Variants in RGL3 observed in about 807,000 individuals in gnomAD.
RGL3 encodes the protein ral guanine nucleotide dissociation stimulator like 3.
Under a neutral mutation model 90.6 loss-of-function variants are expected in RGL3, and 85 were observed. That is an observed-to-expected ratio of 0.94 (90% CI 0.79 to 1.12). The LOEUF is 1.12. RGL3 is among the 50% of genes most tolerant of loss of function. RGL3 has a pLI of 0.00. For missense variants in RGL3, 1,034 were observed against 939.2 expected, an observed-to-expected ratio of 1.10 and a Z score of -1.32; for synonymous variants, 408 against 385.5, an observed-to-expected ratio of 1.06 and a Z score of -0.68.
rs1172368549 is a variant in RGL3 at position 11,411,208 on chromosome 19, C to CCA, written c.638-4345_638-4344insTG. On this transcript the variant is annotated intron_variant, in intron 5 of 18. Transcript: ENST00000380456. ...TGGACAACAGAGTGAGACTCCATCTCAAAAAAAAAAAAAAAAAAAAAAAGA... is the reference window on the plus strand; with the variant it reads ...TGGACAACAGAGTGAGACTCCATCTCCAAAAAAAAAAAAAAAAAAAAAAAAGA... 1.4e-3 allele frequency: 68 copies of CCA among 46,948 alleles called. 1 individual carries two copies. Among genetic ancestry groups the CCA allele is most frequent in the Admixed American group, 0.012 (54 of 4,518 alleles). The allele number at this position is 46,948 out of a possible 1,614,324, so 2.9% of individuals were successfully genotyped here.
chr19:11,417,927 C>T (rs1410061567), intron 2 of RGL3, among the ~76,000 whole-genome samples: 1 of 152,092 alleles, frequency 6.6e-6, no homozygotes, highest in Non-Finnish European at 1.5e-5. Flanking sequence ...TAGACTCAAG[C>T]GGTCCCTCTG....
At chr19:11,417,164 T>G (rs1362564150) in intron 2 of RGL3, 105 bp from the exon 3 acceptor site, 6 of 933,462 alleles carry the variant, frequency 6.4e-6, no homozygotes, top group Non-Finnish European at 9.4e-6. Context: ...TTTTGTTTTT[T>G]TTTTTGAGAC....
At chr19:11,418,499 C>G in intron 2 of RGL3, 172 bp downstream of exon 2, 1 of 594,914 alleles carries the variant, frequency 1.7e-6, no homozygotes, top group South Asian at 2.0e-5. Context: ...GGATCTCCCC[C>G]CACTTACCTG....
chr19:11,419,092 T>C (rs1969058839), intron 1 of RGL3, among the ~76,000 whole-genome samples, 154 bp downstream of exon 1: 1 of 152,110 alleles, frequency 6.6e-6, no homozygotes, highest in South Asian at 2.1e-4. Context: ...GAGGAACCAG[T>C]CGCTTCACTG....
At position 11,416,077 on chromosome 19, in the gene RGL3, G is replaced by A. The variant is rs202085360; in HGVS notation, c.497C>T (p.Ser166Leu). The change falls in exon 5 of 19, where the codon TCG becomes TTG. Residue 166 changes from serine to leucine, a missense_variant. Physicochemically the swap from Ser to Leu is moderately radical, Grantham distance 145. Coordinates refer to ENST00000380456, the MANE Select transcript of RGL3 (RefSeq NM_001035223.4). ...AAAGGTTCGGACACTGCCCAGGTCC[G>A]AATGGGCAGGGTGGTCTCGGAAATC... Reference protein sequence around the residue: ...PQDFRDHPAHSDLGSVRTFLG... With the variant: ...PQDFRDHPAHLDLGSVRTFLG... The A allele has an allele frequency of 3.2e-5, 52 of 1,611,570 alleles. No homozygotes were observed. The South Asian group carries it at 5.1e-4, about 16-fold the overall frequency.
At chr19:11,412,464 T>C (rs1968890809) in intron 5 of RGL3, among the ~76,000 whole-genome samples, 1 of 152,098 alleles carries the variant, frequency 6.6e-6, no homozygotes, top group Admixed American at 6.6e-5. Flanking sequence ...CTCTCTACTT[T>C]TGTATATGTC....
chr19:11,394,683 A>G, intron 18 of RGL3, 163 bp from the exon 19 acceptor site: 2 of 603,692 alleles, frequency 3.3e-6, no homozygotes, highest in Non-Finnish European at 6.0e-6. Flanking sequence ...GGGAACCTGG[A>G]CGACTTCTCA....
Position 11,418,786 on chromosome 19 carries a change from T to C in RGL3, c.34-2A>G. The C allele has an allele frequency of 6.5e-7, 1 of 1,542,456 alleles. No individual in the cohort carries two copies. The highest frequency in any genetic ancestry group is 8.7e-7 in the Non-Finnish European group (1 of 1,147,074). On this transcript the variant is annotated splice_acceptor_variant, in intron 1 of 18. Coordinates refer to ENST00000380456, the MANE Select transcript of RGL3 (RefSeq NM_001035223.4). LOFTEE classifies it high-confidence loss of function. ...TTCACCCCAGTCCTGCAGCGGTGCCTGGACGCACAGGCGGACTCAGGGCAC... is the reference window on the plus strand; with the variant it reads ...TTCACCCCAGTCCTGCAGCGGTGCCCGGACGCACAGGCGGACTCAGGGCAC...
chr19:11,412,537 T>C (rs1473335733), intron 5 of RGL3, among the ~76,000 whole-genome samples: 1 of 152,060 alleles, frequency 6.6e-6, no homozygotes, highest in African/African-American at 2.4e-5. Flanking sequence ...TAGATGAGCA[T>C]GGTGGTCATC....
chr19:11,409,433 A>G (rs1968837495), intron 5 of RGL3, among the ~76,000 whole-genome samples: 1 of 152,080 alleles, frequency 6.6e-6, no homozygotes, highest in African/African-American at 2.4e-5. Flanking sequence ...GTAAGCCGAG[A>G]TCATGCCACT....
chr19:11,417,535 A>C (rs1183350803), intron 2 of RGL3, among the ~76,000 whole-genome samples: 2 of 138,166 alleles, frequency 1.4e-5, no homozygotes, highest in Non-Finnish European at 3.0e-5. Context: ...CAGTGGCGTG[A>C]TCTTGGCTCA....
At chr19:11,414,172 TATATAC>T (rs1405231419) in intron 5 of RGL3, among the ~76,000 whole-genome samples, 30 of 92,286 alleles carry the variant, frequency 3.3e-4, no homozygotes, top group Admixed American at 7.6e-4. Flanking sequence ...TATATATATA[TATATAC>T]ACCTATATAT....
chr19:11,406,785 T>C lies in RGL3; in HGVS notation c.717A>G (p.Gln239=), dbSNP rs1215748184. The C allele has an allele frequency of 6.2e-7, 1 of 1,614,036 alleles. No individual in the cohort carries two copies. Among genetic ancestry groups the C allele is most frequent in the South Asian group, 1.1e-5 (1 of 91,086 alleles). Residue 239 remains glutamine (Q), a synonymous_variant, in exon 6 of 19, where the codon CAA becomes CAG. Transcript: ENST00000380456. ...CGCTGAAGTCCAGGAGCTGGGGACC[T>C]TGAGGCATGAGCCCTTCCTCTTCCT... ...CAEEEEGLMP[Q]GPQLLDFSVD...
chr19:11,405,442 G>A lies in RGL3; in HGVS notation c.997-16C>T, dbSNP rs545173274. On this transcript the variant is annotated splice_polypyrimidine_tract_variant and intron_variant, in intron 7 of 18. Coordinates refer to ENST00000380456, the MANE Select transcript of RGL3 (RefSeq NM_001035223.4). Reference sequence around the variant, plus strand: ...CTCGGCAGCGCTGCCAGGCGGTGGGGACGCAGGTCAGACCCAGGCATTATC... The same window carrying A: ...CTCGGCAGCGCTGCCAGGCGGTGGGAACGCAGGTCAGACCCAGGCATTATC... The A allele has an allele frequency of 4.5e-6, 7 of 1,561,986 alleles. No homozygotes were observed. In the South Asian group the frequency reaches 8.1e-5, roughly 18 times the overall value.
Position 11,397,579 on chromosome 19 carries a change from G to A in RGL3, c.1765C>T (p.Leu589=). The A allele has an allele frequency of 6.4e-7, 1 of 1,573,804 alleles. No homozygotes were observed. The highest frequency in any genetic ancestry group is 8.6e-7 in the Non-Finnish European group (1 of 1,158,530). ...PSTKLPLSLD[L]PSPRPFALPL... is the part of the protein sequence containing the mutation. ...AAAGCGAAGGGCCGGGGGCTGGGCA[G>A]GTCCAGGCTCAGGGGCAGCTGCAGG... is the stretch of plus-strand genomic sequence containing the variant. The change falls in exon 17 of 19, where the codon CTG becomes TTG. Residue 589 remains leucine (L), a synonymous_variant. Coordinates refer to ENST00000380456, the MANE Select transcript of RGL3 (RefSeq NM_001035223.4).
In RGL3 at chr19:11,394,330, TG is replaced by T; in HGVS notation, c.*71del. On this transcript the variant is annotated 3_prime_UTR_variant, in exon 19 of 19. Transcript: ENST00000380456. ...CAGCACAGTGGCCTCTACTGGGGGATGGCAGCTTTCCAGGAGAAGAGTCGCA... is the reference window on the plus strand; with the variant it reads ...CAGCACAGTGGCCTCTACTGGGGGATGCAGCTTTCCAGGAGAAGAGTCGCA... 8.6e-7 allele frequency: 1 copy of T among 1,165,064 alleles called. No individual in the cohort carries two copies. The highest frequency in any genetic ancestry group is 1.3e-6 in the Non-Finnish European group (1 of 771,972). The allele number at this position is 1,165,064 out of a possible 1,614,324, so 72.2% of individuals were successfully genotyped here.
chr19:11,407,360 C>A (rs1048896065), intron 5 of RGL3, among the ~76,000 whole-genome samples: 1 of 152,002 alleles, frequency 6.6e-6, no homozygotes, highest in Non-Finnish European at 1.5e-5. Context: ...CAGTAACTCA[C>A]CACTGAGTTA....
rs754416321 is a variant in RGL3 at position 11,405,435 on chromosome 19, C to T, written c.997-9G>A. ...CGCAGTTCTCGGCAGCGCTGCCAGG[C>T]GGTGGGGACGCAGGTCAGACCCAGG... On this transcript the variant is annotated splice_polypyrimidine_tract_variant and intron_variant, in intron 7 of 18. Transcript: ENST00000380456. 4.4e-6 allele frequency: 6 copies of T among 1,352,558 alleles called. No homozygotes were observed. The highest frequency in any genetic ancestry group is 1.6e-5 in the African/African-American group (1 of 64,436). 83.8% of individuals were successfully genotyped at this position (1,352,558 alleles called of 1,614,324 possible). A position where few individuals can be genotyped will look rare whatever the true frequency, so the allele number is the denominator to read the frequency against.
chr19:11,412,844 T>G (rs1288433282), intron 5 of RGL3, among the ~76,000 whole-genome samples: 5 of 151,984 alleles, frequency 3.3e-5, no homozygotes, highest in African/African-American at 1.2e-4. Flanking sequence ...CGGGCGCCTG[T>G]AGTACCAGCT....
Sources: gnomAD v4.1 joint callset for allele counts (sites outside exome capture counted in the v4.1 genomes callset) on GRCh38, gnomAD v4.1.1 for gene constraint, MANE v1.5 for transcripts, NCBI Gene and HGNC (gene_info 2026-07-23, HGNC 2026-07-21) for gene names.